PRKAG2: variants seen among roughly 807,000 people sequenced by gnomAD.
The protein encoded by PRKAG2 is 5'-AMP-activated protein kinase subunit gamma-2.
Under a neutral mutation model 69.6 loss-of-function variants are expected in PRKAG2, and 26 were observed. That is an observed-to-expected ratio of 0.37 (90% confidence interval 0.27 to 0.52). The LOEUF is 0.52. Among genes scored for constraint, PRKAG2 ranks in the 20% least tolerant of loss-of-function variants. The pLI is 0.90. For synonymous variants in PRKAG2, 293 were observed against 285.0 expected (o/e 1.03, Z -0.28); for missense variants, 557 against 740.0 (o/e 0.75, Z 2.87).
chr7:151,656,162 C>G (rs1829382745), intron 4 of PRKAG2, among the ~76,000 whole-genome samples: 1 of 152,132 alleles, frequency 6.6e-6, no homozygotes, highest in Admixed American at 6.5e-5. Flanking sequence ...CCATTGATAA[C>G]TATAAATTTG....
intron 6 of PRKAG2, among the ~76,000 whole-genome samples, chr7:151,592,556 C>G (rs1372434682): frequency 3.3e-5 from 5 of 152,234 alleles, no homozygotes; most frequent in African/African-American, 1.2e-4. Flanking sequence ...TCTGCGCACA[C>G]TCTTTCAGCT....
intron 3 of PRKAG2, among the ~76,000 whole-genome samples, chr7:151,696,940 C>T (rs1038202688): frequency 1.3e-5 from 2 of 152,122 alleles, no homozygotes; most frequent in Non-Finnish European, 2.9e-5. Flanking sequence ...CCTGCAGGCT[C>T]AGGCCCTGTT....
intron 1 of PRKAG2, among the ~76,000 whole-genome samples, chr7:151,829,961 C>T (rs1207623822): frequency 6.6e-6 from 1 of 151,740 alleles, no homozygotes; most frequent in Non-Finnish European, 1.5e-5. Flanking sequence ...TGACAATGAG[C>T]CTGCCTCCAT....
chr7:151,680,033 C>T (rs972281222), intron 3 of PRKAG2, among the ~76,000 whole-genome samples: 100 of 152,274 alleles, frequency 6.6e-4, no homozygotes, highest in African/African-American at 2.3e-3. Flanking sequence ...GCCTGGGTGA[C>T]ACAGCAAGAT....
At chr7:151,595,128 A>G (rs1274539608) in intron 6 of PRKAG2, among the ~76,000 whole-genome samples, 2 of 152,198 alleles carry the variant, frequency 1.3e-5, no homozygotes, top group Non-Finnish European at 1.5e-5. Context: ...CTTAAACTCT[A>G]TAATTTGAGC....
chr7:151,747,786 G>C (rs919047209), intron 3 of PRKAG2, among the ~76,000 whole-genome samples: 40 of 152,002 alleles, frequency 2.6e-4, no homozygotes, highest in Non-Finnish European at 2.4e-4. Context: ...TTTCAGATTG[G>C]CTTTATCCCA....
intron 3 of PRKAG2, among the ~76,000 whole-genome samples, chr7:151,720,651 A>AGGAGAGAAT (rs1485947892): frequency 4.3e-5 from 4 of 92,046 alleles, no homozygotes; most frequent in Non-Finnish European, 8.3e-5. Context: ...GGGATGAAGG[A>AGGAGAGAAT]GGAGAGAATG....
chr7:151,828,349 T>C lies in PRKAG2; in HGVS notation c.115-41808A>G, dbSNP rs905068991. ...AGGACTCTCCCCGGATTCAGGTCTA[T>C]GTTGTATTCATCTCTGCACAGTTCC... On this transcript the variant is annotated intron_variant, in intron 1 of 15. Transcript: ENST00000287878. This position sits in a 1 kb window ranked among gnomAD's most constrained non-coding sequence, Gnocchi z 4.6. 6.6e-6 allele frequency among the ~76,000 whole-genome samples: 1 copy of C among 152,234 alleles called. No homozygotes were observed.
intron 1 of PRKAG2, among the ~76,000 whole-genome samples, chr7:151,813,755 C>T (rs541537490): frequency 2.6e-5 from 4 of 152,276 alleles, no homozygotes; most frequent in African/African-American, 7.2e-5. Context: ...CTCTCTCCCC[C>T]ACTCCCCTCC....
intron 4 of PRKAG2, among the ~76,000 whole-genome samples, chr7:151,641,244 C>CTTTTT (rs374667332): frequency 2.8e-4 from 30 of 105,688 alleles, no homozygotes; most frequent in African/African-American, 8.4e-4. Flanking sequence ...TTCTTTTTTC[C>CTTTTT]TTTTTTTTTT....
In PRKAG2 at chr7:151,610,656, G is replaced by T. The variant is rs1349522759; in HGVS notation, c.755-15202C>A. Among the ~76,000 whole-genome samples the T allele has an allele frequency of 2.6e-5, 4 of 151,404 alleles. No homozygotes were observed. In the East Asian group the frequency reaches 7.8e-4, roughly 30 times the overall value. On this transcript the variant is annotated intron_variant, in intron 5 of 15. Coordinates refer to ENST00000287878, the MANE Select transcript of PRKAG2 (RefSeq NM_016203.4). ...CGCGCCACTGCACTCCAGCCTGGGG[G>T]ACAGAGCGAGACTCCATCTCAAAAA...
At chr7:151,655,309 T>C (rs1214997261) in intron 4 of PRKAG2, among the ~76,000 whole-genome samples, 3 of 152,134 alleles carry the variant, frequency 2.0e-5, no homozygotes, top group Non-Finnish European at 2.9e-5. Context: ...AATAGCCTAT[T>C]AGATATGAGC....
At chr7:151,829,653 G>A (rs2078979587) in intron 1 of PRKAG2, among the ~76,000 whole-genome samples, 1 of 152,016 alleles carries the variant, frequency 6.6e-6, no homozygotes, top group Admixed American at 6.6e-5. Context: ...TGAATAAACA[G>A]AACACGGTAT....
At position 151,626,826 on chromosome 7, in the gene PRKAG2, A is replaced by AC. The variant is rs555741589; in HGVS notation, c.754+5242dup. On this transcript the variant is annotated intron_variant, in intron 5 of 15. Transcript: ENST00000287878. ...TTATACATTCTCCCCCAACTGTCCTACCCCCACGACATTTTAATAGCACAG... is the reference window on the plus strand; with the variant it reads ...TTATACATTCTCCCCCAACTGTCCTACCCCCCACGACATTTTAATAGCACAG... Among the ~76,000 whole-genome samples, 8 of 147,872 alleles carry AC rather than the reference A, an allele frequency of 5.4e-5. No homozygotes were observed. The South Asian group carries it at 1.7e-3, about 31-fold the overall frequency.
At chr7:151,795,850 T>TAG (rs1450514493) in intron 1 of PRKAG2, among the ~76,000 whole-genome samples, 44 of 35,068 alleles carry the variant, frequency 1.3e-3, no homozygotes, top group African/African-American at 5.3e-3. Context: ...AAATCTCATA[T>TAG]ATATATATAT....
intron 5 of PRKAG2, among the ~76,000 whole-genome samples, chr7:151,602,113 C>T (rs183504354): frequency 2.6e-5 from 4 of 152,374 alleles, no homozygotes; most frequent in African/African-American, 9.6e-5. Context: ...GGATGACGCT[C>T]CTCGCGCAGC....
intron 3 of PRKAG2, among the ~76,000 whole-genome samples, chr7:151,743,933 G>T (rs2074085885): frequency 6.6e-6 from 1 of 152,216 alleles, no homozygotes; most frequent in Non-Finnish European, 1.5e-5. Context: ...ATTTTACCAG[G>T]TGTGCCAGCC....
intron 6 of PRKAG2, among the ~76,000 whole-genome samples, chr7:151,591,994 C>T (rs564926773): frequency 5.3e-4 from 81 of 152,070 alleles, no homozygotes; most frequent in Admixed American, 2.0e-3. Context: ...AACTACTAGG[C>T]CCCCCAAGCC....
chr7:151,764,377 C>G (rs557057949), intron 3 of PRKAG2, among the ~76,000 whole-genome samples: 4 of 152,164 alleles, frequency 2.6e-5, no homozygotes, highest in Non-Finnish European at 5.9e-5. Context: ...CAGAGGTTGG[C>G]GCCCTTCCTT....
Sources: allele counts gnomAD v4.1 joint callset (sites outside exome capture counted in the v4.1 genomes callset), GRCh38; gene constraint gnomAD v4.1.1; non-coding constraint Gnocchi (gnomAD v3.1); transcripts MANE v1.5; gene names NCBI Gene and HGNC (gene_info 2026-07-23, HGNC 2026-07-21).